VDR: variants seen among roughly 807,000 people sequenced by gnomAD.
VDR encodes the protein vitamin D3 receptor.
VDR carries 19 observed loss-of-function variants against 39.7 expected under a neutral mutation model. The ratio of observed to expected loss-of-function variants is 0.48; its 90% CI spans 0.33 to 0.70. The LOEUF (loss-of-function observed/expected upper bound fraction) is 0.70, where lower values mean the gene tolerates loss of function less well. VDR is among the 30% of genes least tolerant of loss of function. The pLI is 0.02. For synonymous variants in VDR, 242 were observed against 215.8 expected (o/e 1.12, Z -1.07); for missense variants, 442 against 570.5 (o/e 0.77, Z 2.29).
In VDR at chr12:47,865,152, A is replaced by G; in HGVS notation, c.172T>C (p.Phe58Leu). 1 of 1,613,300 alleles carries G rather than the reference A, an allele frequency of 6.2e-7. No homozygotes were observed. ...FRRSMKRKAL[F>L]TCPFNGDCRI... ...CAGTCCCCGTTGAAGGGGCAGGTGA[A>G]TAGTGCCTTCCGCTTCATGCTTCGC... The change falls in exon 4 of 10, where the codon TTC (phenylalanine) becomes CTC (leucine). Residue 58 changes from phenylalanine to leucine, a missense_variant. Physicochemically the swap from Phe to Leu is conservative, Grantham distance 22. Transcript: ENST00000549336.
intron 3 of VDR, among the ~76,000 whole-genome samples, chr12:47,875,006 A>T (rs1207479912): frequency 6.6e-6 from 1 of 152,220 alleles, no homozygotes; most frequent in East Asian, 1.9e-4. Flanking sequence ...TTCACACTGG[A>T]AATATCATCT....
chr12:47,884,473 T>C (rs973298020), intron 1 of VDR, among the ~76,000 whole-genome samples: 2 of 152,028 alleles, frequency 1.3e-5, no homozygotes, highest in Non-Finnish European at 2.9e-5. Flanking sequence ...CCCAACTGGG[T>C]CCTTTTGCAA....
chr12:47,844,596 G>T lies in VDR; in HGVS notation c.*150C>A, dbSNP rs1592093259. On this transcript the variant is annotated 3_prime_UTR_variant, in exon 10 of 10. Transcript: ENST00000549336. ...GAAAGGGGTTAGGTTGGACAGGAGA[G>T]AGAATGGGCTGGGTGGATAGGGGAG... 9 of 1,065,874 alleles carry T rather than the reference G, an allele frequency of 8.4e-6. No homozygotes were observed. The East Asian group carries it at 1.0e-4, about 12-fold the overall frequency. The allele number at this position is 1,065,874 out of a possible 1,614,324, so 66.0% of individuals were successfully genotyped here.
Position 47,879,065 on chromosome 12 carries a change from C to G in VDR, c.49G>C (p.Asp17His). 1.9e-6 allele frequency: 3 copies of G among 1,614,154 alleles called. No individual in the cohort carries two copies. Among genetic ancestry groups the G allele is most frequent in the Non-Finnish European group, 2.5e-6 (3 of 1,180,020 alleles). ...STSLPDPGDF[D>H]RNVPRICGVC... ...CCACAGATCCGGGGCACGTTCCGGT[C>G]AAAGTCTCCAGGGTCAGGCAGGGAA... Residue 17 changes from aspartate to histidine, a missense_variant, in exon 3 of 10, where the codon GAC becomes CAC. This residue lies in a region of VDR where 141 missense variants were observed against 141.3 expected (regional missense o/e 1.00). Transcript: ENST00000549336.
chr12:47,850,841 C>T (rs1459416452), intron 7 of VDR, among the ~76,000 whole-genome samples: 7 of 152,192 alleles, frequency 4.6e-5, no homozygotes, highest in Admixed American at 3.9e-4. Flanking sequence ...TCTTTCCCAC[C>T]CCCACAGGCA....
intron 9 of VDR, among the ~76,000 whole-genome samples, chr12:47,845,313 C>T (rs1225536529): frequency 6.6e-6 from 1 of 151,818 alleles, no homozygotes; most frequent in African/African-American, 2.4e-5. Context: ...GGCCACCAGC[C>T]TTCACATCTG....
chr12:47,864,578 T>A (rs577188599), intron 4 of VDR, among the ~76,000 whole-genome samples: 6 of 152,024 alleles, frequency 3.9e-5, no homozygotes, highest in South Asian at 2.1e-4. Context: ...GAATACTAAT[T>A]CTCCCCATCA....
chr12:47,898,120 T>C (rs1455949084), intron 1 of VDR, among the ~76,000 whole-genome samples: 1 of 152,040 alleles, frequency 6.6e-6, no homozygotes, highest in Non-Finnish European at 1.5e-5. Context: ...GCACTGCTGG[T>C]GGAAGCCCAG....
In VDR at chr12:47,878,515, A is replaced by C. The variant is rs76414387; in HGVS notation, c.146+453T>G. 4.6e-5 allele frequency among the ~76,000 whole-genome samples: 7 copies of C among 152,348 alleles called. No individual in the cohort carries two copies. The East Asian group carries it at 1.4e-3, about 29-fold the overall frequency. On this transcript the variant is annotated intron_variant, in intron 3 of 9. Transcript: ENST00000549336. The stretch of plus-strand genomic sequence containing the variant: ...TATGGGTACAGATCGTGATGACCCG[A>C]CAAGAGGTGCCATTTCCCTTGTTCC...
chr12:47,849,056 A>G (rs539754569), intron 7 of VDR, among the ~76,000 whole-genome samples: 1 of 152,348 alleles, frequency 6.6e-6, no homozygotes, highest in South Asian at 2.1e-4. Context: ...AACAATGGCG[A>G]GGAAAAGGCA....
chr12:47,855,343 T>A (rs1376630198), intron 7 of VDR, among the ~76,000 whole-genome samples: 2 of 144,530 alleles, frequency 1.4e-5, no homozygotes, highest in Non-Finnish European at 3.0e-5. Context: ...AAAATAAAAA[T>A]AAATAAATAA....
intron 1 of VDR, chr12:47,899,998 G>A: frequency 1.0e-6 from 1 of 975,448 alleles, no homozygotes; most frequent in Non-Finnish European, 1.2e-6. Context: ...TAGGCAAAGT[G>A]AGAATAGCTC....
Position 47,893,962 on chromosome 12 carries a change from T to A in VDR, c.-84+10993A>T, listed in dbSNP as rs1179776890. Among the ~76,000 whole-genome samples the A allele has an allele frequency of 2.6e-5, 4 of 152,196 alleles. No individual in the cohort carries two copies. In the East Asian group the frequency reaches 5.8e-4, roughly 22 times the overall value. On this transcript the variant is annotated intron_variant, in intron 1 of 9. Coordinates refer to ENST00000549336, the MANE Select transcript of VDR (RefSeq NM_000376.3). Reference sequence around the variant, plus strand: ...TTGGTTCAACGTTTCAGGCCAAATATCAGAATCTGTCTGGAGTTTTCTTCC... The same window carrying A: ...TTGGTTCAACGTTTCAGGCCAAATAACAGAATCTGTCTGGAGTTTTCTTCC...
At position 47,898,392 on chromosome 12, in the gene VDR, C is replaced by A. The variant is rs561218638; in HGVS notation, c.-84+6563G>T. 4 of 152,312 alleles carry A rather than the reference C, an allele frequency of 2.6e-5. No individual in the cohort carries two copies. In the East Asian group the frequency reaches 7.7e-4, roughly 29 times the overall value. 9.4% of individuals were successfully genotyped at this position (152,312 alleles called of 1,614,324 possible). A position where few individuals can be genotyped will look rare whatever the true frequency, so the allele number is the denominator to read the frequency against. ...TGAAAAGGATGGAGAACAATGGAGACTTTCATCCACTGCTGGAAGTGTTTT... is the reference window on the plus strand; with the variant it reads ...TGAAAAGGATGGAGAACAATGGAGAATTTCATCCACTGCTGGAAGTGTTTT... On this transcript the variant is annotated intron_variant, in intron 1 of 9. Transcript: ENST00000549336.
chr12:47,850,111 C>T (rs1031277063), intron 7 of VDR, among the ~76,000 whole-genome samples: 2 of 152,208 alleles, frequency 1.3e-5, no homozygotes, highest in Non-Finnish European at 2.9e-5. Context: ...CTTGGCCTCC[C>T]AAAGTTCTGG....
chr12:47,847,393 G>A (rs892686884), intron 7 of VDR, among the ~76,000 whole-genome samples: 3 of 151,998 alleles, frequency 2.0e-5, no homozygotes, highest in African/African-American at 7.3e-5. Flanking sequence ...ACTGCTGCAG[G>A]TCAATGTCCT....
intron 4 of VDR, among the ~76,000 whole-genome samples, chr12:47,858,385 C>A (rs866902107): frequency 1.3e-5 from 2 of 152,352 alleles, no homozygotes; most frequent in Middle Eastern, 3.4e-3. Context: ...CTCTTTGGTT[C>A]TCTGCAAAAC....
rs530316807 is a variant in VDR, at chr12:47,887,837, G to A, written c.-83-5063C>T. ...CCAGTTATGACTGACTGAACGATGGGAAATTCAGTGGCTGATGACACAGTA... is the reference window on the plus strand; with the variant it reads ...CCAGTTATGACTGACTGAACGATGGAAAATTCAGTGGCTGATGACACAGTA... On this transcript the variant is annotated intron_variant, in intron 1 of 9. Transcript: ENST00000549336. Among the ~76,000 whole-genome samples, 57 of 152,332 alleles carry A rather than the reference G, an allele frequency of 3.7e-4. 1 individual carries two copies. The South Asian group carries it at 0.011, about 28-fold the overall frequency.
intron 3 of VDR, among the ~76,000 whole-genome samples, chr12:47,865,589 T>A (rs1333333134): frequency 2.0e-5 from 3 of 152,082 alleles, no homozygotes; most frequent in African/African-American, 4.8e-5. Context: ...TTTTTTGATT[T>A]TTTTGTAAAA....
Sources: allele counts gnomAD v4.1 joint callset (sites outside exome capture counted in the v4.1 genomes callset), GRCh38; gene constraint gnomAD v4.1.1; regional missense constraint gnomAD v4.1.1; transcripts MANE v1.5; gene names NCBI Gene and HGNC (gene_info 2026-07-23, HGNC 2026-07-21).